Variants in CCSER1 observed in about 807,000 individuals in gnomAD.
CCSER1 encodes the protein serine-rich coiled-coil domain-containing protein 1.
Under a neutral mutation model 82.0 loss-of-function variants are expected in CCSER1, and 41 were observed. The ratio of observed to expected loss-of-function variants is 0.50; its 90% confidence interval spans 0.39 to 0.65. The LOEUF (loss-of-function observed/expected upper bound fraction) is 0.65, where lower values mean the gene tolerates loss of function less well. Among genes scored for constraint, CCSER1 ranks in the 30% least tolerant of loss-of-function variants. CCSER1 has a pLI of 0.00. For synonymous variants in CCSER1, 414 were observed against 383.9 expected (o/e 1.08, Z -0.92); for missense variants, 1,119 against 1,064.2 (o/e 1.05, Z -0.72).
chr4:90,766,920 T>C (rs1699935090), intron 7 of CCSER1, among the ~76,000 whole-genome samples: 1 of 152,122 alleles, frequency 6.6e-6, no homozygotes, highest in African/African-American at 2.4e-5. Flanking sequence ...CTCTGTAGTT[T>C]GGAGAGCTAA....
At chr4:90,407,712 G>A (rs528720199) in intron 4 of CCSER1, among the ~76,000 whole-genome samples, 7 of 152,260 alleles carry the variant, frequency 4.6e-5, no homozygotes, top group South Asian at 4.2e-4. Flanking sequence ...CGTGAGCGAC[G>A]CAGAAGACGG....
intron 8 of CCSER1, among the ~76,000 whole-genome samples, chr4:90,859,551 TA>T (rs369656987): frequency 1.3e-5 from 2 of 151,768 alleles, no homozygotes; most frequent in Admixed American, 6.6e-5. Context: ...ATGATAGAAT[TA>T]AAAAATAATT....
chr4:90,811,110 G>GT (rs1206686245), intron 7 of CCSER1, among the ~76,000 whole-genome samples: 1 of 151,988 alleles, frequency 6.6e-6, no homozygotes, highest in African/African-American at 2.4e-5. Context: ...AAGTGCTGGG[G>GT]TTACAGGCAT....
At chr4:90,224,650 A>C (rs1051358542) in intron 1 of CCSER1, among the ~76,000 whole-genome samples, 1 of 152,238 alleles carries the variant, frequency 6.6e-6, no homozygotes, top group East Asian at 1.9e-4. Context: ...GATTTAAGAT[A>C]CATTCGATGG....
chr4:91,395,811 CTGGT>C (rs2149354498), intron 10 of CCSER1, among the ~76,000 whole-genome samples: 1 of 152,036 alleles, frequency 6.6e-6, no homozygotes, highest in African/African-American at 2.4e-5. Context: ...AGTAAGTAAC[CTGGT>C]TTTATGGGGC....
intron 1 of CCSER1, among the ~76,000 whole-genome samples, chr4:90,258,099 A>G (rs11943050): frequency 0.052 from 7,907 of 152,182 alleles, 552 homozygotes; most frequent in African/African-American, 0.16. Flanking sequence ...AAGCGATCTC[A>G]AACTTAAGGT....
At chr4:91,348,557 T>G (rs1305360022) in intron 10 of CCSER1, among the ~76,000 whole-genome samples, 2 of 152,230 alleles carry the variant, frequency 1.3e-5, no homozygotes, top group African/African-American at 4.8e-5. Flanking sequence ...TGTAATTTCA[T>G]TTTTAAATTA....
chr4:91,378,502 C>T (rs889586439), intron 10 of CCSER1, among the ~76,000 whole-genome samples: 2 of 152,140 alleles, frequency 1.3e-5, no homozygotes, highest in Non-Finnish European at 2.9e-5. Context: ...ATTTTATTCT[C>T]TTTGAAGCAA....
chr4:91,478,960 G>A (rs1757739288), intron 10 of CCSER1, among the ~76,000 whole-genome samples: 1 of 151,720 alleles, frequency 6.6e-6, no homozygotes, highest in South Asian at 2.1e-4. Flanking sequence ...AGTAATATAT[G>A]TTTGTGACTT....
intron 10 of CCSER1, among the ~76,000 whole-genome samples, chr4:91,110,829 T>C (rs1419123751): frequency 6.6e-6 from 1 of 151,950 alleles, no homozygotes; most frequent in African/African-American, 2.4e-5. Flanking sequence ...TCTGCATACA[T>C]AGATCATTCA....
intron 8 of CCSER1, among the ~76,000 whole-genome samples, chr4:90,904,928 T>C (rs897195513): frequency 6.6e-6 from 1 of 152,074 alleles, no homozygotes; most frequent in Admixed American, 6.6e-5. Flanking sequence ...CCATCTCCAA[T>C]TGAACCTGCT....
At chr4:91,506,490 G>A (rs565277883) in intron 10 of CCSER1, among the ~76,000 whole-genome samples, 179 of 151,972 alleles carry the variant, frequency 1.2e-3, no homozygotes, top group African/African-American at 4.1e-3. Flanking sequence ...TGTGAAGAAT[G>A]TCAATGGCAG....
At chr4:91,331,531 C>T (rs1469631648) in intron 10 of CCSER1, among the ~76,000 whole-genome samples, 1 of 152,100 alleles carries the variant, frequency 6.6e-6, no homozygotes, top group East Asian at 1.9e-4. Context: ...GACATTTGAC[C>T]TTACCCTCTT....
At chr4:90,407,661 A>T (rs569890940) in intron 4 of CCSER1, among the ~76,000 whole-genome samples, 1 of 152,322 alleles carries the variant, frequency 6.6e-6, no homozygotes, top group African/African-American at 2.4e-5. Context: ...AGGTGGAGCC[A>T]AGATGGCCGA....
intron 9 of CCSER1, among the ~76,000 whole-genome samples, chr4:90,974,198 T>C (rs1419429278): frequency 6.6e-6 from 1 of 151,550 alleles, no homozygotes; most frequent in Non-Finnish European, 1.5e-5. Flanking sequence ...TTGCTAACAG[T>C]AGATTTTAAG....
intron 5 of CCSER1, among the ~76,000 whole-genome samples, chr4:90,488,312 C>T (rs189562392): frequency 0.012 from 1,779 of 152,100 alleles, 13 homozygotes; most frequent in South Asian, 0.022. Flanking sequence ...TTCAGCCTCC[C>T]GAGTAGCTGG....
chr4:90,330,675 C>T (rs1739115359), intron 3 of CCSER1, among the ~76,000 whole-genome samples: 1 of 152,110 alleles, frequency 6.6e-6, no homozygotes, highest in African/African-American at 2.4e-5. Flanking sequence ...TCTCTAATAG[C>T]ATTTATCTCT....
intron 6 of CCSER1, among the ~76,000 whole-genome samples, chr4:90,648,909 A>G (rs75417257): frequency 0.099 from 15,030 of 152,266 alleles, 994 homozygotes; most frequent in Middle Eastern, 0.18. Context: ...GTACTAATAT[A>G]GGGAAGACAA....
At chr4:91,259,696 A>AT (rs749274810) in intron 10 of CCSER1, among the ~76,000 whole-genome samples, 6 of 148,082 alleles carry the variant, frequency 4.1e-5, no homozygotes, top group Non-Finnish European at 8.9e-5. Context: ...GCAGTGTTTG[A>AT]TTTTCTGTCC....
Sources: allele counts gnomAD v4.1 joint callset (sites outside exome capture counted in the v4.1 genomes callset), GRCh38; gene constraint gnomAD v4.1.1; transcripts MANE v1.5; gene names NCBI Gene and HGNC (gene_info 2026-07-23, HGNC 2026-07-21).